The following TMCC1 variants were observed in gnomAD, a reference collection of about 807,000 sequenced individuals.
The protein encoded by TMCC1 is transmembrane and coiled-coil domain family 1.
In TMCC1, 15 loss-of-function variants were observed where a neutral mutation model predicts 52.4. The ratio of observed to expected loss-of-function variants is 0.29; its 90% confidence interval spans 0.19 to 0.44. The LOEUF (loss-of-function observed/expected upper bound fraction) is 0.44. Ranked by LOEUF, TMCC1 falls within the 20% of genes least tolerant of loss-of-function variation. The pLI, the probability that TMCC1 is intolerant of heterozygous loss-of-function variation, is 1.00. For synonymous variants in TMCC1, 279 were observed against 301.9 expected, an observed-to-expected ratio of 0.92 and a Z score of 0.79; for missense variants, 503 against 806.0, an observed-to-expected ratio of 0.62 and a Z score of 4.55.
At chr3:129,860,540 T>C (rs2060341540) in intron 2 of TMCC1, among the ~76,000 whole-genome samples, 1 of 152,176 alleles carries the variant, frequency 6.6e-6, no homozygotes, top group African/African-American at 2.4e-5. Context: ...CTGAAAATTA[T>C]CAGAGAAATT....
rs190265893 is a variant in TMCC1 at position 129,828,607 on chromosome 3, T to C, written c.-130-99A>G. The C allele has an allele frequency of 1.1e-5, 5 of 470,256 alleles. No individual in the cohort carries two copies. In the Admixed American group the frequency reaches 1.5e-4, roughly 15 times the overall value. 29.1% of individuals were successfully genotyped at this position (470,256 alleles called of 1,614,324 possible). ...GTTAAAACAAAGAAAAACATGCTAC[T>C]GGCCAAACAAATAGGCACTATCATT... is the stretch of plus-strand genomic sequence containing the variant. On this transcript the variant is annotated intron_variant, in intron 3 of 6. Transcript: ENST00000393238. The surrounding 1 kb of genome is among the most constrained non-coding windows in gnomAD (Gnocchi z 4.1).
At chr3:129,680,899 C>CA (rs201733649) in intron 4 of TMCC1, among the ~76,000 whole-genome samples, 2,294 of 100,748 alleles carry the variant, frequency 0.023, 53 homozygotes, top group African/African-American at 0.07. Flanking sequence ...GACTCTGTCT[C>CA]AAAAAAAAAA....
At chr3:129,737,418 T>C (rs2051066816) in intron 4 of TMCC1, among the ~76,000 whole-genome samples, 2 of 151,534 alleles carry the variant, frequency 1.3e-5, no homozygotes, top group Admixed American at 6.6e-5. Flanking sequence ...AAGCGGAGGT[T>C]GTAGTGAGCC....
chr3:129,879,635 C>T (rs1180610650), intron 2 of TMCC1, among the ~76,000 whole-genome samples: 10 of 152,138 alleles, frequency 6.6e-5, no homozygotes, highest in Non-Finnish European at 7.4e-5. Flanking sequence ...GGTGAGAAAA[C>T]AAACATACTT....
At chr3:129,767,480 C>G (rs1232854023) in intron 4 of TMCC1, among the ~76,000 whole-genome samples, 1 of 151,996 alleles carries the variant, frequency 6.6e-6, no homozygotes, top group African/African-American at 2.4e-5. Flanking sequence ...TCAAGCAAAG[C>G]TCTTGCCTCA....
intron 4 of TMCC1, among the ~76,000 whole-genome samples, chr3:129,752,726 T>TA (rs1039787495): frequency 2.4e-4 from 37 of 151,652 alleles, no homozygotes; most frequent in Non-Finnish European, 4.4e-4. Context: ...GTCTAAATGA[T>TA]AAAAAAAATC....
At chr3:129,703,185 T>TG (rs377739864) in intron 4 of TMCC1, among the ~76,000 whole-genome samples, 26 of 152,354 alleles carry the variant, frequency 1.7e-4, no homozygotes, top group African/African-American at 6.3e-4. Context: ...ATAGAGCTTG[T>TG]GGTTCCAAAA....
intron 4 of TMCC1, among the ~76,000 whole-genome samples, chr3:129,740,543 A>G (rs2051372492): frequency 6.6e-6 from 1 of 152,188 alleles, no homozygotes; most frequent in African/African-American, 2.4e-5. Context: ...TCTCAACTCA[A>G]CCACGGGAAG....
At chr3:129,778,675 G>GT (rs2055246563) in intron 4 of TMCC1, among the ~76,000 whole-genome samples, 1 of 1,342 alleles carries the variant, frequency 7.5e-4, no homozygotes, top group African/African-American at 2.8e-3. Flanking sequence ...AGATCATGGT[G>GT]GGGGGGGGGC....
At chr3:129,705,452 C>T (rs904052847) in intron 4 of TMCC1, among the ~76,000 whole-genome samples, 1 of 152,132 alleles carries the variant, frequency 6.6e-6, no homozygotes, top group African/African-American at 2.4e-5. Flanking sequence ...TGAAGTGCTG[C>T]TGACTGCATT....
intron 2 of TMCC1, among the ~76,000 whole-genome samples, chr3:129,875,951 C>G (rs1198266177): frequency 1.3e-5 from 2 of 152,064 alleles, no homozygotes; most frequent in African/African-American, 4.8e-5. Flanking sequence ...CTGACCAACA[C>G]GGAGAAACCC....
chr3:129,870,292 C>T (rs2060850645), intron 2 of TMCC1, among the ~76,000 whole-genome samples: 1 of 152,002 alleles, frequency 6.6e-6, no homozygotes, highest in South Asian at 2.1e-4. Context: ...CAAGACACTA[C>T]TTTCTCTTCA....
intron 4 of TMCC1, among the ~76,000 whole-genome samples, chr3:129,744,257 G>A (rs775795031): frequency 1.6e-4 from 24 of 152,112 alleles, no homozygotes; most frequent in African/African-American, 5.1e-4. Flanking sequence ...ATTGGTTGTC[G>A]TAGTTTTTAG....
chr3:129,723,401 ATT>A (rs62776661), intron 4 of TMCC1, among the ~76,000 whole-genome samples: 96 of 126,786 alleles, frequency 7.6e-4, no homozygotes, highest in African/African-American at 1.9e-3. Flanking sequence ...TCCATCAAGA[ATT>A]TTTTTTTTTT....
At chr3:129,693,769 C>T (rs1056941185) in intron 4 of TMCC1, among the ~76,000 whole-genome samples, 2 of 152,108 alleles carry the variant, frequency 1.3e-5, no homozygotes, top group African/African-American at 4.8e-5. Context: ...CTGAATAAAA[C>T]ATTAAGTAGT....
intron 4 of TMCC1, among the ~76,000 whole-genome samples, chr3:129,797,115 G>A (rs1365080977): frequency 6.6e-6 from 1 of 151,964 alleles, no homozygotes; most frequent in East Asian, 1.9e-4. Flanking sequence ...CACGAGGTCA[G>A]GAGATCGAGA....
intron 4 of TMCC1, among the ~76,000 whole-genome samples, chr3:129,710,125 G>A (rs1316125509): frequency 1.3e-5 from 2 of 152,168 alleles, no homozygotes; most frequent in African/African-American, 2.4e-5. Context: ...GGTGGAGGTT[G>A]TGGTGGGCTG....
At chr3:129,890,608 C>G (rs77092835) in intron 1 of TMCC1, among the ~76,000 whole-genome samples, 1 of 152,134 alleles carries the variant, frequency 6.6e-6, no homozygotes, top group Non-Finnish European at 1.5e-5. Context: ...TCTATACCAT[C>G]CCCCACTCTC....
intron 4 of TMCC1, among the ~76,000 whole-genome samples, chr3:129,719,892 C>T (rs2049424009): frequency 6.6e-6 from 1 of 152,082 alleles, no homozygotes; most frequent in African/African-American, 2.4e-5. Flanking sequence ...CAAGAGGTGG[C>T]TTCTGGCCAG....
Sources: allele counts gnomAD v4.1 joint callset (sites outside exome capture counted in the v4.1 genomes callset), GRCh38; gene constraint gnomAD v4.1.1; non-coding constraint Gnocchi (gnomAD v3.1); transcripts MANE v1.5; gene names NCBI Gene and HGNC (gene_info 2026-07-23, HGNC 2026-07-21).